The following EOGT variants were observed in gnomAD, a reference collection of about 807,000 sequenced individuals.
The protein encoded by EOGT is EGF domain-specific O-linked N-acetylglucosamine transferase.
Under a neutral mutation model 70.5 loss-of-function variants are expected in EOGT, and 55 were observed. That is an observed-to-expected ratio of 0.78 (90% CI 0.63 to 0.98). The LOEUF (loss-of-function observed/expected upper bound fraction) is 0.98, where lower values mean the gene tolerates loss of function less well. Among genes scored for constraint, EOGT ranks in the 50% least tolerant of loss-of-function variants. The pLI, the probability that EOGT is intolerant of heterozygous loss-of-function variation, is 0.00. For missense variants in EOGT, 703 were observed against 641.9 expected (o/e 1.10, Z -1.03); for synonymous variants, 246 against 217.1 (o/e 1.13, Z -1.17).
rs2090576749 is a variant in EOGT, at chr3:68,979,658, C to T, written c.1334+10G>A. 6.2e-7 allele frequency: 1 copy of T among 1,612,808 alleles called. No homozygotes were observed. Among genetic ancestry groups the T allele is most frequent in the Admixed American group, 1.7e-5 (1 of 59,802 alleles). On this transcript the variant is annotated intron_variant, in intron 16 of 17. Transcript: ENST00000383701. The stretch of plus-strand genomic sequence containing the variant: ...GTTGCTTCAGTGTAAAACTGCCTCC[C>T]AACACTTACAGTTCAAATACAGCAG...
intron 6 of EOGT, among the ~76,000 whole-genome samples, chr3:69,006,582 A>C (rs957327713): frequency 2.6e-5 from 4 of 152,196 alleles, no homozygotes; most frequent in Non-Finnish European, 4.4e-5. Flanking sequence ...GCCCTGCTGC[A>C]CTGAGCATTT....
intron 8 of EOGT, among the ~76,000 whole-genome samples, chr3:69,002,141 G>A (rs906361199): frequency 3.3e-5 from 5 of 152,112 alleles, no homozygotes; most frequent in South Asian, 2.1e-4. Context: ...GCAGTGAGCC[G>A]AGATGGTGCC....
At chr3:68,991,332 T>C (rs1424425788) in intron 10 of EOGT, among the ~76,000 whole-genome samples, 3 of 152,208 alleles carry the variant, frequency 2.0e-5, no homozygotes, top group Admixed American at 6.5e-5. Flanking sequence ...ATCTATGACT[T>C]AGAAATTCCA....
chr3:68,992,471 A>G (rs7432824), intron 10 of EOGT, among the ~76,000 whole-genome samples: 125,453 of 152,162 alleles, frequency 0.82, 51,907 homozygotes, highest in Admixed American at 0.86. Flanking sequence ...TGAAGCATGA[A>G]GTGGGTTCCC....
chr3:68,999,385 T>C (rs994653787), intron 9 of EOGT, among the ~76,000 whole-genome samples: 1 of 152,180 alleles, frequency 6.6e-6, no homozygotes, highest in Non-Finnish European at 1.5e-5. Context: ...GGACCCAATA[T>C]TCATCCTGGA....
At chr3:68,987,736 T>G (rs766337013) in intron 13 of EOGT, 1 of 560,196 alleles carries the variant, frequency 1.8e-6, no homozygotes, top group Non-Finnish European at 3.1e-6. Context: ...GTCTGTTTGG[T>G]TGGGTGGGTG....
At chr3:69,009,524 A>G in intron 4 of EOGT, 113 bp downstream of exon 4, 1 of 739,914 alleles carries the variant, frequency 1.4e-6, no homozygotes, top group Non-Finnish European at 2.2e-6. Flanking sequence ...TAACTTATAC[A>G]GTGACAACCG....
In EOGT at chr3:69,001,711, A is replaced by G. The variant is rs371892977; in HGVS notation, c.624T>C (p.Phe208=). The G allele has an allele frequency of 1.1e-4, 175 of 1,603,070 alleles. No individual in the cohort carries two copies. The highest frequency in any genetic ancestry group is 1.3e-4 in the Non-Finnish European group (157 of 1,172,146). Residue 208 remains phenylalanine (F), a synonymous_variant, in exon 9 of 18, where the codon TTT becomes TTC. Coordinates refer to ENST00000383701, the MANE Select transcript of EOGT (RefSeq NM_001278689.2). ...GQRKSPLQSW[F]AELQSYTQLN... ...GCTGAGTATAGCTTTGTAGCTCAGC[A>G]AACCTGAAATTATGAATTGGGACAT...
intron 13 of EOGT, among the ~76,000 whole-genome samples, chr3:68,988,049 G>T (rs151277776): frequency 5.6e-4 from 86 of 152,268 alleles, no homozygotes; most frequent in African/African-American, 1.9e-3. Flanking sequence ...TGAGTAGCTG[G>T]GACTACAGGC....
At chr3:68,979,923 A>AT in intron 15 of EOGT, 136 bp from the exon 16 acceptor site, 1 of 777,926 alleles carries the variant, frequency 1.3e-6, no homozygotes, top group Non-Finnish European at 1.9e-6. Context: ...TTTAAGAAGC[A>AT]TTTTTGCCAA....
At chr3:68,988,762 G>C (rs762762349) in intron 11 of EOGT, 163 bp downstream of exon 11, 1 of 636,850 alleles carries the variant, frequency 1.6e-6, no homozygotes, top group East Asian at 2.8e-5. Flanking sequence ...CTTTTCAAAG[G>C]CTGCATGATT....
intron 3 of EOGT, among the ~76,000 whole-genome samples, chr3:69,011,304 C>T (rs370710425): frequency 1.3e-5 from 2 of 148,232 alleles, no homozygotes; most frequent in East Asian, 2.0e-4. Context: ...ACCCAACTTT[C>T]GAAATCAGTC....
At chr3:69,013,229 G>C (rs1346187645) in intron 1 of EOGT, among the ~76,000 whole-genome samples, 1 of 151,872 alleles carries the variant, frequency 6.6e-6, no homozygotes. Flanking sequence ...CCGCCACCGT[G>C]CACCGCGGCG....
chr3:68,991,720 T>C (rs1204838495), intron 10 of EOGT, among the ~76,000 whole-genome samples: 1 of 152,072 alleles, frequency 6.6e-6, no homozygotes, highest in Non-Finnish European at 1.5e-5. Context: ...GGTGGGAGGA[T>C]CACTTGAGGC....
chr3:68,987,675 TAAA>T (rs2090855128), intron 13 of EOGT, 162 bp from the exon 14 acceptor site: 1 of 619,388 alleles, frequency 1.6e-6, no homozygotes, highest in African/African-American at 1.9e-5. Context: ...TCTCAGGGAA[TAAA>T]AATGTATCCA....
In EOGT at chr3:69,005,246, G is replaced by C; in HGVS notation, c.421-12C>G. 1 of 1,501,774 alleles carries C rather than the reference G, an allele frequency of 6.7e-7. No individual in the cohort carries two copies. The highest frequency in any genetic ancestry group is 1.4e-5 in the African/African-American group (1 of 72,180). 93.0% of individuals were successfully genotyped at this position (1,501,774 alleles called of 1,614,324 possible). On this transcript the variant is annotated splice_polypyrimidine_tract_variant and intron_variant, in intron 6 of 17. Coordinates refer to ENST00000383701, the MANE Select transcript of EOGT (RefSeq NM_001278689.2). ...AGACTTGAGTCACTCTGAAGGTTGA[G>C]CAAAAGAAAAGAATGACTCTGAGTA...
rs1159504897 is a variant in EOGT at position 68,979,888 on chromosome 3, T to C, written c.1215-101A>G. On this transcript the variant is annotated intron_variant, in intron 15 of 17. Coordinates refer to ENST00000383701, the MANE Select transcript of EOGT (RefSeq NM_001278689.2). ...AGTAAGGATATTTATAAAAGTGTAT[T>C]GCCCATTTTAAACCACATTCCATTT... The C allele has an allele frequency of 5.1e-6, 6 of 1,185,368 alleles. No individual in the cohort carries two copies. The East Asian group carries it at 8.1e-5, about 16-fold the overall frequency. The allele number at this position is 1,185,368 out of a possible 1,614,324, so 73.4% of individuals were successfully genotyped here. A position where few individuals can be genotyped will look rare whatever the true frequency, so the allele number is the denominator to read the frequency against.
At chr3:68,996,750 A>G (rs1216486717) in intron 10 of EOGT, among the ~76,000 whole-genome samples, 3 of 152,222 alleles carry the variant, frequency 2.0e-5, no homozygotes, top group African/African-American at 7.2e-5. Flanking sequence ...GTTCCCCTGC[A>G]ATGTCATCCT....
chr3:68,991,978 A>T (rs2091007252), intron 10 of EOGT, among the ~76,000 whole-genome samples: 1 of 152,216 alleles, frequency 6.6e-6, no homozygotes, highest in Non-Finnish European at 1.5e-5. Context: ...CGAGAATAGC[A>T]TAGGAAAGAC....
Sources: gnomAD v4.1 joint callset for allele counts (sites outside exome capture counted in the v4.1 genomes callset) on GRCh38, gnomAD v4.1.1 for gene constraint, MANE v1.5 for transcripts, NCBI Gene and HGNC (gene_info 2026-07-23, HGNC 2026-07-21) for gene names.